The following PPCS variants were observed in gnomAD, a reference collection of about 807,000 sequenced individuals.
The protein encoded by PPCS is phosphopantothenoylcysteine synthetase, also known as phosphopantothenate--cysteine ligase.
In PPCS, 17 loss-of-function variants were observed where a neutral mutation model predicts 24.6. The ratio of observed to expected loss-of-function variants is 0.69; its 90% confidence interval spans 0.47 to 1.04. PPCS has a LOEUF of 1.04. Among genes scored for constraint, PPCS ranks in the 50% least tolerant of loss-of-function variants. The probability of loss-of-function intolerance (pLI) is 0.00; values close to 1 mark genes in which losing one functional copy is unlikely to be tolerated. For synonymous variants in PPCS, 190 were observed against 168.3 expected, an observed-to-expected ratio of 1.13 and a Z score of -1.00; for missense variants, 360 against 402.8, an observed-to-expected ratio of 0.89 and a Z score of 0.91.
chr1:42,458,724 C>T (rs143837054), intron 2 of PPCS, among the ~76,000 whole-genome samples: 1 of 152,208 alleles, frequency 6.6e-6, no homozygotes, highest in Admixed American at 6.5e-5. Flanking sequence ...TTTAGTTTAT[C>T]CCACAGTTTT....
At chr1:42,459,481 T>G (rs745888456) in intron 2 of PPCS, 122 bp from the exon 3 acceptor site, 3 of 883,550 alleles carry the variant, frequency 3.4e-6, no homozygotes, top group Non-Finnish European at 5.2e-6. Flanking sequence ...AACTAAACAT[T>G]TAACTGAAAA....
intron 1 of PPCS, 77 bp from the exon 2 acceptor site, chr1:42,457,170 G>A: frequency 6.2e-7 from 1 of 1,603,020 alleles, no homozygotes; most frequent in South Asian, 1.1e-5. Context: ...ATCTCAGCTG[G>A]GGAACCCGAG....
At chr1:42,465,821 A>C (rs1406661977), downstream of PPCS, among the ~76,000 whole-genome samples, 1 of 152,192 alleles carries the variant, frequency 6.6e-6, no homozygotes, top group East Asian at 1.9e-4. Context: ...CTTAATATGC[A>C]CAGAACTGCC....
intron 2 of PPCS, among the ~76,000 whole-genome samples, chr1:42,470,208 T>C (rs1460679967): frequency 6.6e-6 from 1 of 152,096 alleles, no homozygotes; most frequent in Non-Finnish European, 1.5e-5. Context: ...GAGGATGTAA[T>C]GGTCCAGAGA....
rs1331038705 is a variant in PPCS at position 42,459,740 on chromosome 1, T to C, written c.750T>C (p.Tyr250=). 1.2e-6 allele frequency: 2 copies of C among 1,614,088 alleles called. No homozygotes were observed. The highest frequency in any genetic ancestry group is 2.7e-5 in the African/African-American group (2 of 74,950). ...INRARKALEI[Y]QHQVVVANIL... is the part of the protein sequence containing the mutation. ...GAGCTCGGAAGGCTTTGGAAATTTA[T>C]CAGCATCAAGTGGTGGTGGCTAATA... Residue 250 remains tyrosine, a synonymous_variant, in exon 3 of 3, where the codon TAT becomes TAC. Transcript: ENST00000372561.
At chr1:42,461,815 C>T (rs1421609056), downstream of PPCS, among the ~76,000 whole-genome samples, 3 of 152,034 alleles carry the variant, frequency 2.0e-5, no homozygotes, top group Non-Finnish European at 4.4e-5. Flanking sequence ...AAAGTGCTGG[C>T]ATTACAAGCG....
At chr1:42,459,067 G>GC (rs1643325264) in intron 2 of PPCS, 1 of 152,256 alleles carries the variant, frequency 6.6e-6, no homozygotes, top group Non-Finnish European at 1.5e-5. Flanking sequence ...GCAGAGCATG[G>GC]CAGGGCTTAT....
downstream of PPCS, among the ~76,000 whole-genome samples, chr1:42,462,422 C>G (rs1486501570): frequency 6.6e-6 from 1 of 152,088 alleles, no homozygotes; most frequent in African/African-American, 2.4e-5. Context: ...CAGAAAAAAA[C>G]ACTTGCAAGA....
chr1:42,468,812 G>A (rs1379021904), intron 2 of PPCS: 1 of 152,196 alleles, frequency 6.6e-6, no homozygotes, highest in African/African-American at 2.4e-5. Flanking sequence ...AAGTAGCGAA[G>A]CCAAGGTTTG....
chr1:42,467,276 C>T (rs1643620155), intron 2 of PPCS, among the ~76,000 whole-genome samples: 1 of 152,190 alleles, frequency 6.6e-6, no homozygotes, highest in African/African-American at 2.4e-5. Context: ...TGGAGTTTTG[C>T]TGAGAATGGA....
rs1471304885 is a variant in PPCS at position 42,460,211 on chromosome 1, C to A, written c.*285C>A. ...ACATGGGGGCCTGAATGTCAGCCAT[C>A]TTTATACTATAGAAAAAGGATTATG... On this transcript the variant is annotated 3_prime_UTR_variant, in exon 3 of 3. Transcript: ENST00000372561. 9.0e-7 allele frequency: 1 copy of A among 1,107,874 alleles called. No individual in the cohort carries two copies. The highest frequency in any genetic ancestry group is 5.6e-5 in the East Asian group (1 of 17,956). 68.6% of individuals were successfully genotyped at this position (1,107,874 alleles called of 1,614,324 possible).
downstream of PPCS, among the ~76,000 whole-genome samples, chr1:42,463,004 C>T (rs1362119134): frequency 6.6e-6 from 1 of 151,302 alleles, no homozygotes; most frequent in Non-Finnish European, 1.5e-5. Context: ...CAGCTGAGTC[C>T]TGGCGGGAAG....
Position 42,459,983 on chromosome 1 carries a change from C to T in PPCS, c.*57C>T. The T allele has an allele frequency of 2.6e-6, 4 of 1,513,442 alleles. No homozygotes were observed. In the South Asian group the frequency reaches 4.0e-5, roughly 15 times the overall value. The allele number at this position is 1,513,442 out of a possible 1,614,324, so 93.8% of individuals were successfully genotyped here. On this transcript the variant is annotated 3_prime_UTR_variant, in exon 3 of 3. Transcript: ENST00000372561. ...TCAGGGCTCTTAGAGATGGTGAAAA[C>T]TACAAAAAAAACCATGGCTTTCATA...
rs576723979 is a variant in PPCS, at chr1:42,459,486, T to G, written c.613-117T>G. The G allele has an allele frequency of 4.4e-6, 4 of 909,048 alleles. No homozygotes were observed. In the South Asian group the frequency reaches 7.0e-5, roughly 16 times the overall value. 56.3% of individuals were successfully genotyped at this position (909,048 alleles called of 1,614,324 possible). A position where few individuals can be genotyped will look rare whatever the true frequency, so the allele number is the denominator to read the frequency against. On this transcript the variant is annotated intron_variant, in intron 2 of 2. Coordinates refer to ENST00000372561, the MANE Select transcript of PPCS (RefSeq NM_024664.4). Reference sequence around the variant, plus strand: ...AGACTTTTTAAACTAAACATTTAACTGAAAAGTTTGATGGTTGAGAAATCC... The same window carrying G: ...AGACTTTTTAAACTAAACATTTAACGGAAAAGTTTGATGGTTGAGAAATCC...
At chr1:42,465,648 AG>A (rs2148430446), downstream of PPCS, among the ~76,000 whole-genome samples, 1 of 152,282 alleles carries the variant, frequency 6.6e-6, no homozygotes, top group South Asian at 2.1e-4. Flanking sequence ...TACAAGTGTG[AG>A]CCACGGTACC....
intron 2 of PPCS, chr1:42,457,557 C>T (rs1643257503): frequency 1.7e-6 from 1 of 592,426 alleles, no homozygotes; most frequent in East Asian, 2.8e-5. Context: ...GTGATAAATG[C>T]TCTAGTGGAG....
At chr1:42,459,553 G>GT in intron 2 of PPCS, 50 bp from the exon 3 acceptor site, 1 of 1,439,996 alleles carries the variant, frequency 6.9e-7, no homozygotes, top group Non-Finnish European at 9.6e-7. Flanking sequence ...GATTGACCTG[G>GT]TAGGTAATGA....
Position 42,456,844 on chromosome 1 carries a change from C to T in PPCS, c.279C>T (p.Ala93=), listed in dbSNP as rs747189474. The part of the protein sequence containing the change: ...LYRARSAFPY[A]HRFPPQTWLS... ...GCGCTCGCTCTGCCTTCCCCTATGC[C>T]CACCGCTTCCCACCCCAGACTTGGC... Residue 93 remains alanine, a synonymous_variant, in exon 1 of 3, where the codon GCC becomes GCT. Transcript: ENST00000372561. 3 of 1,613,526 alleles carry T rather than the reference C, an allele frequency of 1.9e-6. No homozygotes were observed. In the South Asian group the frequency reaches 3.3e-5, roughly 18 times the overall value.
At chr1:42,459,536 C>T in intron 2 of PPCS, 67 bp from the exon 3 acceptor site, 1 of 1,293,286 alleles carries the variant, frequency 7.7e-7, no homozygotes, top group Non-Finnish European at 1.1e-6. Context: ...TCCTTAGTTT[C>T]CCATGAGATT....
Sources: allele counts gnomAD v4.1 joint callset (sites outside exome capture counted in the v4.1 genomes callset), GRCh38; gene constraint gnomAD v4.1.1; transcripts MANE v1.5; gene names NCBI Gene and HGNC (gene_info 2026-07-23, HGNC 2026-07-21).